Variants in GPC5 observed in about 807,000 individuals in gnomAD.
GPC5 encodes glypican 5.
A neutral mutation model predicts 53.9 loss-of-function variants in GPC5; 47 were observed. The observed-to-expected ratio is 0.87, with a 90% CI of 0.69 to 1.11. The LOEUF (loss-of-function observed/expected upper bound fraction) is 1.11, where lower values mean the gene tolerates loss of function less well. Ranked by LOEUF, GPC5 falls within the 50% of genes most tolerant of loss-of-function variation. GPC5 has a pLI of 0.00. For synonymous variants in GPC5, 286 were observed against 263.3 expected, an observed-to-expected ratio of 1.09 and a Z score of -0.84; for missense variants, 748 against 713.1, an observed-to-expected ratio of 1.05 and a Z score of -0.56.
At chr13:92,201,117 T>C (rs1292545867) in intron 7 of GPC5, among the ~76,000 whole-genome samples, 1 of 152,204 alleles carries the variant, frequency 6.6e-6, no homozygotes, top group African/African-American at 2.4e-5. Flanking sequence ...TGAATGCCAA[T>C]GGTAAAGATC....
At chr13:92,857,141 T>C (rs999233929) in intron 7 of GPC5, among the ~76,000 whole-genome samples, 1 of 151,698 alleles carries the variant, frequency 6.6e-6, no homozygotes, top group Non-Finnish European at 1.5e-5. Flanking sequence ...TGGAACAGAA[T>C]AGATAATGCA....
At chr13:92,574,191 A>G (rs544137051) in intron 7 of GPC5, among the ~76,000 whole-genome samples, 1 of 152,350 alleles carries the variant, frequency 6.6e-6, no homozygotes, top group Non-Finnish European at 1.5e-5. Context: ...ACTCAGAGTG[A>G]TACAGATAAA....
At chr13:91,938,192 C>T (rs1004602380) in intron 6 of GPC5, among the ~76,000 whole-genome samples, 15 of 152,010 alleles carry the variant, frequency 9.9e-5, no homozygotes, top group African/African-American at 3.4e-4. Context: ...GCAAGCTCTA[C>T]AGGAAGCATA....
intron 6 of GPC5, among the ~76,000 whole-genome samples, chr13:91,984,191 T>C (rs9301768): frequency 0.031 from 4,676 of 152,262 alleles, 221 homozygotes; most frequent in African/African-American, 0.11. Context: ...GATGGTTGCA[T>C]TTTGTTGTTG....
intron 6 of GPC5, among the ~76,000 whole-genome samples, chr13:91,968,687 C>T (rs1474713891): frequency 2.0e-5 from 3 of 152,106 alleles, no homozygotes; most frequent in Admixed American, 6.5e-5. Context: ...GTCTCGAACT[C>T]CTGACCTCAG....
rs2042418099 is a variant in GPC5 at position 92,217,376 on chromosome 13, T to G, written c.1561+72387T>G. 2.6e-5 allele frequency among the ~76,000 whole-genome samples: 4 copies of G among 152,184 alleles called. No homozygotes were observed. In the South Asian group the frequency reaches 8.3e-4, roughly 31 times the overall value. ...AAGTCAGTTTATCAAGAATCCTTCA[T>G]CCTTCATCTCACCTTCATTATCCAG... On this transcript the variant is annotated intron_variant, in intron 7 of 7. Coordinates refer to ENST00000377067, the MANE Select transcript of GPC5 (RefSeq NM_004466.6).
intron 6 of GPC5, chr13:91,996,626 A>C (rs1289338259): frequency 3.3e-5 from 5 of 152,236 alleles, no homozygotes; most frequent in Non-Finnish European, 7.3e-5. Context: ...TTAAGTCATG[A>C]ACTAGAACAT....
intron 6 of GPC5, among the ~76,000 whole-genome samples, chr13:92,073,256 T>C (rs539117517): frequency 6.6e-6 from 1 of 152,346 alleles, no homozygotes; most frequent in African/African-American, 2.4e-5. Context: ...AGTTTGCTTA[T>C]TCATAACTAT....
intron 7 of GPC5, among the ~76,000 whole-genome samples, chr13:92,579,818 A>G (rs149263215): frequency 1.2e-4 from 18 of 152,036 alleles, no homozygotes; most frequent in African/African-American, 4.1e-4. Context: ...CCTAGACCTA[A>G]CACATCCTAT....
At chr13:91,655,632 C>A (rs2034826794) in intron 2 of GPC5, among the ~76,000 whole-genome samples, 1 of 151,620 alleles carries the variant, frequency 6.6e-6, no homozygotes, top group Non-Finnish European at 1.5e-5. Flanking sequence ...AAGTAGAGAA[C>A]AAAATATAAG....
intron 7 of GPC5, among the ~76,000 whole-genome samples, chr13:92,158,954 C>A (rs916503422): frequency 1.3e-5 from 2 of 152,156 alleles, no homozygotes; most frequent in Non-Finnish European, 2.9e-5. Flanking sequence ...TTTGACCAAA[C>A]TAAACTCTTT....
rs80149303 is a variant in GPC5, at chr13:92,798,242, C to T, written c.1562-68040C>T. ...GTAGCTCAATCAAATTTCAGTAAGACATATAGTTTATAAATGTTTGTTTAT... is the reference window on the plus strand; with the variant it reads ...GTAGCTCAATCAAATTTCAGTAAGATATATAGTTTATAAATGTTTGTTTAT... On this transcript the variant is annotated intron_variant, in intron 7 of 7. Coordinates refer to ENST00000377067, the MANE Select transcript of GPC5 (RefSeq NM_004466.6). Among the ~76,000 whole-genome samples, 449 of 151,866 alleles carry T rather than the reference C, an allele frequency of 3.0e-3. 3 individuals are homozygous for T. Among genetic ancestry groups the T allele is most frequent in the African/African-American group, 1.0e-2 (414 of 41,470 alleles).
At chr13:91,797,328 G>A (rs997965848) in intron 5 of GPC5, among the ~76,000 whole-genome samples, 3 of 152,112 alleles carry the variant, frequency 2.0e-5, no homozygotes, top group African/African-American at 7.2e-5. Flanking sequence ...GCTACAAAAA[G>A]TAGTGGCATT....
At chr13:92,745,896 G>T (rs747063665) in intron 7 of GPC5, among the ~76,000 whole-genome samples, 1 of 151,822 alleles carries the variant, frequency 6.6e-6, no homozygotes, top group Non-Finnish European at 1.5e-5. Context: ...TATATTATTG[G>T]ATAACATGAT....
intron 6 of GPC5, among the ~76,000 whole-genome samples, chr13:92,063,027 G>C (rs2041137426): frequency 6.6e-6 from 1 of 151,964 alleles, no homozygotes; most frequent in Non-Finnish European, 1.5e-5. Flanking sequence ...AGAGTGGTCT[G>C]TTCTACTTTC....
intron 2 of GPC5, among the ~76,000 whole-genome samples, chr13:91,643,772 T>C (rs528398462): frequency 6.6e-6 from 1 of 152,272 alleles, no homozygotes; most frequent in South Asian, 2.1e-4. Flanking sequence ...CCCCCCTGTG[T>C]ACCTGTCTCT....
At position 92,799,418 on chromosome 13, in the gene GPC5, C is replaced by T. The variant is rs535977526; in HGVS notation, c.1562-66864C>T. Among the ~76,000 whole-genome samples, 7 of 151,866 alleles carry T rather than the reference C, an allele frequency of 4.6e-5. No homozygotes were observed. The South Asian group carries it at 1.2e-3, about 27-fold the overall frequency. On this transcript the variant is annotated intron_variant, in intron 7 of 7. Coordinates refer to ENST00000377067, the MANE Select transcript of GPC5 (RefSeq NM_004466.6). ...TTCTTTACTCATTACCATAATAACACATAATCACTGATTGGATAAATAGGT... is the reference window on the plus strand; with the variant it reads ...TTCTTTACTCATTACCATAATAACATATAATCACTGATTGGATAAATAGGT...
chr13:92,488,406 GTTAA>G (rs1335554338), intron 7 of GPC5, among the ~76,000 whole-genome samples: 10 of 152,120 alleles, frequency 6.6e-5, no homozygotes, highest in African/African-American at 2.4e-4. Context: ...TGAAGCATAA[GTTAA>G]TTAAATTACA....
chr13:91,838,232 T>C (rs2138867003), intron 5 of GPC5, among the ~76,000 whole-genome samples: 1 of 152,224 alleles, frequency 6.6e-6, no homozygotes, highest in East Asian at 1.9e-4. Context: ...GTTTTCCCAG[T>C]GTCCCCTGCC....
Sources: gnomAD v4.1 joint callset for allele counts (sites outside exome capture counted in the v4.1 genomes callset) on GRCh38, gnomAD v4.1.1 for gene constraint, MANE v1.5 for transcripts, NCBI Gene and HGNC (gene_info 2026-07-23, HGNC 2026-07-21) for gene names.